TSC22D4: variants seen among roughly 807,000 people sequenced by gnomAD.
TSC22D4 encodes TSC22 domain family protein 4.
In TSC22D4, 5 loss-of-function variants were observed where a neutral mutation model predicts 24.9. That is an observed-to-expected ratio of 0.20 (90% CI 0.10 to 0.42). The LOEUF is 0.42. TSC22D4 is among the 10% of genes least tolerant of loss of function. The pLI is 1.00. For missense variants in TSC22D4, 469 were observed against 547.9 expected, an observed-to-expected ratio of 0.86 and a Z score of 1.44; for synonymous variants, 245 against 243.2, an observed-to-expected ratio of 1.01 and a Z score of -0.07.
rs774775179 is a variant in TSC22D4, at chr7:100,477,988, C to T, written c.51G>A (p.Thr17=). ...CTGGGCTCCCAGGGCCCTCATAGTCCGTGGTGACGCTGGTGATTTGGAAAC... is the reference window on the plus strand; with the variant it reads ...CTGGGCTCCCAGGGCCCTCATAGTCTGTGGTGACGCTGGTGATTTGGAAAC... ...KSSFQITSVT[T]DYEGPGSPGA... Residue 17 remains threonine, a synonymous_variant, in exon 2 of 5, where the codon ACG becomes ACA. Transcript: ENST00000300181. The surrounding 1 kb of genome is among the most constrained non-coding windows in gnomAD (Gnocchi z 7.8). 34 of 1,586,248 alleles carry T rather than the reference C, an allele frequency of 2.1e-5. No homozygotes were observed. The highest frequency in any genetic ancestry group is 2.5e-5 in the Non-Finnish European group (29 of 1,168,624).
At chr7:100,470,350 T>C (rs1038822601) in intron 3 of TSC22D4, among the ~76,000 whole-genome samples, 3 of 152,302 alleles carry the variant, frequency 2.0e-5, no homozygotes, top group African/African-American at 7.2e-5. Flanking sequence ...TGGAGTGCAA[T>C]GGCGGGATTT....
intron 1 of TSC22D4, among the ~76,000 whole-genome samples, 164 bp downstream of exon 1, chr7:100,478,630 C>T (rs1409726935): frequency 6.6e-6 from 1 of 152,042 alleles, no homozygotes; most frequent in African/African-American, 2.4e-5. Flanking sequence ...AGCTCGGACT[C>T]CAGGGCCTGG....
intron 4 of TSC22D4, 140 bp from the exon 5 acceptor site, chr7:100,467,308 C>A (rs942178407): frequency 2.0e-6 from 2 of 989,124 alleles, no homozygotes; most frequent in Non-Finnish European, 3.2e-6. Flanking sequence ...GGGAAAAGGA[C>A]GAGGGACAGA....
rs1799512967 is a variant in TSC22D4 at position 100,477,191 on chromosome 7, A to AG, written c.762+85dup. On this transcript the variant is annotated intron_variant, in intron 2 of 4. Coordinates refer to ENST00000300181, the MANE Select transcript of TSC22D4 (RefSeq NM_030935.5). The surrounding 1 kb of genome is among the most constrained non-coding windows in gnomAD (Gnocchi z 7.8). ...TCTTATAAAGTGATGGAGAAGGAGG[A>AG]GGAGAGGGGGGGGAGGAGGAGGAAG... 1 of 920,490 alleles carries AG rather than the reference A, an allele frequency of 1.1e-6. No individual in the cohort carries two copies. The highest frequency in any genetic ancestry group is 2.3e-5 in the African/African-American group (1 of 42,704). 57.0% of individuals were successfully genotyped at this position (920,490 alleles called of 1,614,324 possible).
rs1258987843 is a variant in TSC22D4, at chr7:100,474,793, C to T, written c.763-353G>A. Among the ~76,000 whole-genome samples the T allele has an allele frequency of 6.6e-6, 1 of 152,080 alleles. No individual in the cohort carries two copies. Among genetic ancestry groups the T allele is most frequent in the African/African-American group, 2.4e-5 (1 of 41,408 alleles). ...ATCAGAGGCTACGCAGCGTGTCTGC[C>T]TTCTTTTATGTTTTATTTTTATTTT... On this transcript the variant is annotated intron_variant, in intron 2 of 4. Coordinates refer to ENST00000300181, the MANE Select transcript of TSC22D4 (RefSeq NM_030935.5). The surrounding 1 kb of genome is among the most constrained non-coding windows in gnomAD (Gnocchi z 4.3).
chr7:100,469,427 C>T (rs1799353302), intron 3 of TSC22D4, among the ~76,000 whole-genome samples: 1 of 152,068 alleles, frequency 6.6e-6, no homozygotes, highest in Non-Finnish European at 1.5e-5. Flanking sequence ...CAGAGGGCGA[C>T]TCAGGCCTGG....
Position 100,477,871 on chromosome 7 carries a change from G to A in TSC22D4, c.168C>T (p.Gly56=). The A allele has an allele frequency of 6.3e-7, 1 of 1,585,926 alleles. No homozygotes were observed. The change falls in exon 2 of 5, where the codon GGC becomes GGT. Residue 56 remains glycine (G), a synonymous_variant. Transcript: ENST00000300181. This position sits in a 1 kb window ranked among gnomAD's most constrained non-coding sequence, Gnocchi z 7.8. ...GEPSPDPGGK[G]TPRNGSPPPG... is the part of the protein sequence containing the mutation. ...GTGGTGGGGAGCCATTCCGGGGGGTGCCCTTGCCCCCCGGATCGGGGCTGG... is the reference window on the plus strand; with the variant it reads ...GTGGTGGGGAGCCATTCCGGGGGGTACCCTTGCCCCCCGGATCGGGGCTGG...
At chr7:100,473,511 G>A (rs895395601) in intron 3 of TSC22D4, among the ~76,000 whole-genome samples, 2 of 151,496 alleles carry the variant, frequency 1.3e-5, no homozygotes, top group African/African-American at 2.4e-5. Context: ...GTGCGATCTC[G>A]GCTCACTGCA....
chr7:100,477,454 G>A lies in TSC22D4; in HGVS notation c.585C>T (p.Pro195=), dbSNP rs144561269. Residue 195 remains proline (P), a synonymous_variant, in exon 2 of 5, where the codon CCC becomes CCT. Transcript: ENST00000300181. The surrounding 1 kb of genome is among the most constrained non-coding windows in gnomAD (Gnocchi z 7.8). The stretch of plus-strand genomic sequence containing the variant: ...CACTCTCACCGGTCTCAGGCTCTGG[G>A]GGGCGCTGCTGGGGTGAGGAGGCCG... ...PLSASSPQQR[P]PEPETGESAG... is the part of the protein sequence containing the mutation. 1 of 1,564,638 alleles carries A rather than the reference G, an allele frequency of 6.4e-7. No individual in the cohort carries two copies. The highest frequency in any genetic ancestry group is 1.4e-5 in the African/African-American group (1 of 73,398).
chr7:100,471,781 C>A (rs1799398414), intron 3 of TSC22D4, among the ~76,000 whole-genome samples: 1 of 152,000 alleles, frequency 6.6e-6, no homozygotes, highest in South Asian at 2.1e-4. Context: ...AAACCTCCTT[C>A]TCTGAGTCTC....
chr7:100,474,253 C>T lies in TSC22D4; in HGVS notation c.929+21G>A. ...GGGGAACCTGAACCCCACGCCCCAC[C>T]ACCCCACGAAGCCCACCTACCTATC... On this transcript the variant is annotated intron_variant, in intron 3 of 4. Coordinates refer to ENST00000300181, the MANE Select transcript of TSC22D4 (RefSeq NM_030935.5). The surrounding 1 kb of genome is among the most constrained non-coding windows in gnomAD (Gnocchi z 4.3). 1 of 1,610,992 alleles carries T rather than the reference C, an allele frequency of 6.2e-7. No homozygotes were observed.
intron 3 of TSC22D4, among the ~76,000 whole-genome samples, chr7:100,469,310 G>A (rs1489051170): frequency 2.0e-5 from 3 of 151,980 alleles, no homozygotes; most frequent in Non-Finnish European, 2.9e-5. Flanking sequence ...AGGAGAGGAA[G>A]GGAAGTGAGC....
chr7:100,468,055 C>A (rs536243660), intron 3 of TSC22D4: 1 of 423,772 alleles, frequency 2.4e-6, no homozygotes, highest in Non-Finnish European at 4.8e-6. Context: ...TGGTGCCAGG[C>A]AGGCAGAGAG....
Position 100,478,062 on chromosome 7 carries a change from C to A in TSC22D4, c.-24G>T. The stretch of plus-strand genomic sequence containing the variant: ...ATGGTCCCTGGGGCTCAGGGCTGGG[C>A]CAAGGTTGGGGGTGGGTTGGGGCTC... On this transcript the variant is annotated 5_prime_UTR_variant, in exon 2 of 5. Transcript: ENST00000300181. 1.3e-6 allele frequency: 2 copies of A among 1,577,036 alleles called. No individual in the cohort carries two copies. The highest frequency in any genetic ancestry group is 1.7e-6 in the Non-Finnish European group (2 of 1,164,308).
At position 100,474,235 on chromosome 7, in the gene TSC22D4, C is replaced by T; in HGVS notation, c.929+39G>A. On this transcript the variant is annotated intron_variant, in intron 3 of 4. Coordinates refer to ENST00000300181, the MANE Select transcript of TSC22D4 (RefSeq NM_030935.5). This position sits in a 1 kb window ranked among gnomAD's most constrained non-coding sequence, Gnocchi z 4.3. ...CTACCCCGGGTGCTGGGCGGGGAAC[C>T]TGAACCCCACGCCCCACCACCCCAC... 1 of 1,606,032 alleles carries T rather than the reference C, an allele frequency of 6.2e-7. No individual in the cohort carries two copies. The highest frequency in any genetic ancestry group is 8.5e-7 in the Non-Finnish European group (1 of 1,173,924).
chr7:100,467,514 G>A, intron 4 of TSC22D4, 38 bp downstream of exon 4: 1 of 1,609,660 alleles, frequency 6.2e-7, no homozygotes, highest in Non-Finnish European at 8.5e-7. Flanking sequence ...TGGCTTAAGG[G>A]GGCCAGGACC....
At position 100,467,046 on chromosome 7, in the gene TSC22D4, G is replaced by A; in HGVS notation, c.1101C>T (p.Ala367=). Reference sequence around the variant, plus strand: ...GAGCCAGCTGCTCCGGGCTGGCCAGGGCGCGCAGCAGCCCATTCTCCTGCT... The same window carrying A: ...GAGCCAGCTGCTCCGGGCTGGCCAGAGCGCGCAGCAGCCCATTCTCCTGCT... ...ALEQENGLLR[A]LASPEQLAQL... The change falls in exon 5 of 5, where the codon GCC becomes GCT. Residue 367 remains alanine (A), a synonymous_variant. Coordinates refer to ENST00000300181, the MANE Select transcript of TSC22D4 (RefSeq NM_030935.5). The A allele has an allele frequency of 6.2e-7, 1 of 1,613,616 alleles. No homozygotes were observed. Among genetic ancestry groups the A allele is most frequent in the Middle Eastern group, 1.7e-4 (1 of 6,052 alleles).
At chr7:100,478,350 A>AGAGAGAGAGAGAGAGTGT (rs1228276528) in intron 1 of TSC22D4, 43 bp from the exon 2 acceptor site, 2 of 82,804 alleles carry the variant, frequency 2.4e-5, no homozygotes, top group African/African-American at 1.5e-4. Context: ...AGAGAGAGAG[A>AGAGAGAGAGAGAGAGTGT]GTGTGTGTGT....
chr7:100,470,307 G>C (rs776249637), intron 3 of TSC22D4, among the ~76,000 whole-genome samples: 6 of 152,136 alleles, frequency 3.9e-5, no homozygotes, highest in African/African-American at 7.2e-5. Flanking sequence ...TGTTTGTCTA[G>C]CGCCTGGGAG....
Sources: allele counts gnomAD v4.1 joint callset (sites outside exome capture counted in the v4.1 genomes callset), GRCh38; gene constraint gnomAD v4.1.1; non-coding constraint Gnocchi (gnomAD v3.1); transcripts MANE v1.5; gene names NCBI Gene and HGNC (gene_info 2026-07-23, HGNC 2026-07-21).